LRP5: variants seen among roughly 807,000 people sequenced by gnomAD.
LRP5 encodes low-density lipoprotein receptor-related protein 5.
A neutral mutation model predicts 154.1 loss-of-function variants in LRP5; 62 were observed. The ratio of observed to expected loss-of-function variants is 0.40; its 90% CI spans 0.33 to 0.50. The LOEUF (loss-of-function observed/expected upper bound fraction) is 0.50. Among genes scored for constraint, LRP5 ranks in the 20% least tolerant of loss-of-function variants. The pLI, the probability that LRP5 is intolerant of heterozygous loss-of-function variation, is 0.55. For missense variants in LRP5, 1,915 were observed against 2,336.7 expected, an observed-to-expected ratio of 0.82 and a Z score of 3.72; for synonymous variants, 966 against 1,011.5, an observed-to-expected ratio of 0.96 and a Z score of 0.85.
chr11:68,319,518 TTTA>T (rs34373911), intron 1 of LRP5, among the ~76,000 whole-genome samples: 1 of 151,644 alleles, frequency 6.6e-6, no homozygotes, highest in African/African-American at 2.4e-5. Context: ...CCCAGCCTAT[TTTA>T]TTATTATTAT....
At chr11:68,426,934 G>T (rs1282440933) in intron 16 of LRP5, among the ~76,000 whole-genome samples, 1 of 152,120 alleles carries the variant, frequency 6.6e-6, no homozygotes, top group Non-Finnish European at 1.5e-5. Context: ...GTTATTGGTC[G>T]GGGACCACTC....
intron 12 of LRP5, among the ~76,000 whole-genome samples, chr11:68,414,654 C>G (rs1311293929): frequency 6.6e-6 from 1 of 152,198 alleles, no homozygotes; most frequent in Non-Finnish European, 1.5e-5. Flanking sequence ...GGCTCTTCCC[C>G]CATGACATCA....
In LRP5 at chr11:68,446,522, G is replaced by A; in HGVS notation, c.4575G>A (p.Ala1525=). The A allele has an allele frequency of 1.2e-6, 2 of 1,613,950 alleles. No homozygotes were observed. The highest frequency in any genetic ancestry group is 1.7e-6 in the Non-Finnish European group (2 of 1,179,858). The part of the protein sequence containing the change: ...MFYSSNIPAT[A]RPYRPYIIRG... ...ACTCTTCAAACATTCCGGCCACTGC[G>A]AGACCGTACAGGTAGGACATCCCCT... The change falls in exon 22 of 23, where the codon GCG becomes GCA. Residue 1525 remains alanine (A), a synonymous_variant. Coordinates refer to ENST00000294304, the MANE Select transcript of LRP5 (RefSeq NM_002335.4).
In LRP5 at chr11:68,439,847, C is replaced by T. The variant is rs757191543; in HGVS notation, c.4419C>T (p.Tyr1473=). The change falls in exon 21 of 23, where the codon TAC becomes TAT. Residue 1473 remains tyrosine, a synonymous_variant. Transcript: ENST00000294304. Reference sequence around the variant, plus strand: ...GGGGCCGGGGCGGGGTGCCCCTCTACGACCGGAACCACGTCACAGGGGCCT... The same window carrying T: ...GGGGCCGGGGCGGGGTGCCCCTCTATGACCGGAACCACGTCACAGGGGCCT... ...LMGGRGGVPL[Y]DRNHVTGASS... 3.5e-5 allele frequency: 57 copies of T among 1,609,170 alleles called. No individual in the cohort carries two copies. The highest frequency in any genetic ancestry group is 6.7e-5 in the East Asian group (3 of 44,748).
chr11:68,372,040 G>A (rs371641142), intron 5 of LRP5, among the ~76,000 whole-genome samples: 30 of 152,356 alleles, frequency 2.0e-4, no homozygotes, highest in Non-Finnish European at 3.4e-4. Context: ...CTGGGCTAGC[G>A]GAAACGCAGG....
chr11:68,363,909 C>T lies in LRP5; in HGVS notation c.849C>T (p.Asp283=). The T allele has an allele frequency of 6.2e-7, 1 of 1,611,646 alleles. No individual in the cohort carries two copies. The highest frequency in any genetic ancestry group is 8.5e-7 in the Non-Finnish European group (1 of 1,179,290). Residue 283 remains aspartate (D), a synonymous_variant, in exon 4 of 23, where the codon GAC becomes GAT. Coordinates refer to ENST00000294304, the MANE Select transcript of LRP5 (RefSeq NM_002335.4). ...EILSALYSPM[D]IQVLSQERQP... ...TGAGTGCCCTCTACTCACCCATGGA[C>T]ATCCAGGTGCTGAGCCAGGAGCGGC... is the stretch of plus-strand genomic sequence containing the variant.
intron 11 of LRP5, among the ~76,000 whole-genome samples, chr11:68,412,519 C>T (rs2098660174): frequency 6.6e-6 from 1 of 152,044 alleles, no homozygotes; most frequent in Admixed American, 6.6e-5. Context: ...GTGGTTCATG[C>T]CTGTAGTCCA....
chr11:68,325,081 G>T (rs1488324290), intron 1 of LRP5, among the ~76,000 whole-genome samples: 2 of 152,196 alleles, frequency 1.3e-5, no homozygotes, highest in African/African-American at 4.8e-5. Flanking sequence ...CCCAGAGCGG[G>T]ATACCACCAC....
At chr11:68,408,073 TTTGTTGTTG>T (rs370643540) in intron 9 of LRP5, among the ~76,000 whole-genome samples, 3 of 151,796 alleles carry the variant, frequency 2.0e-5, no homozygotes, top group East Asian at 1.9e-4. Flanking sequence ...TTTTCTGCTT[TTTGTTGTTG>T]TTGTTGTTGT....
rs75721054 is a variant in LRP5 at position 68,386,225 on chromosome 11, T to C, written c.1016-91T>C. On this transcript the variant is annotated intron_variant, in intron 5 of 22. Transcript: ENST00000294304. The surrounding 1 kb of genome is among the most constrained non-coding windows in gnomAD (Gnocchi z 7.9). The stretch of plus-strand genomic sequence containing the variant: ...GCAAGGAGAGCCCTGGGGGCCTGGC[T>C]GAGTATTTCCCTTGCCCGGCCCACC... The C allele has an allele frequency of 2.4e-3, 3,601 of 1,518,808 alleles. 80 individuals carry two copies. In the African/African-American group the frequency reaches 0.044, roughly 18 times the overall value. 94.1% of individuals were successfully genotyped at this position (1,518,808 alleles called of 1,614,324 possible). A position where few individuals can be genotyped will look rare whatever the true frequency, so the allele number is the denominator to read the frequency against.
intron 1 of LRP5, among the ~76,000 whole-genome samples, chr11:68,316,563 C>T (rs912782723): frequency 3.9e-5 from 6 of 152,232 alleles, no homozygotes; most frequent in African/African-American, 7.2e-5. Context: ...TGAGCCATCA[C>T]GCCCGGCCTA....
chr11:68,432,276 C>T (rs950233913), intron 17 of LRP5, among the ~76,000 whole-genome samples: 5 of 152,198 alleles, frequency 3.3e-5, no homozygotes, highest in Admixed American at 6.5e-5. Context: ...GACTTGGGCT[C>T]CATCTCAGGT....
At chr11:68,363,530 A>G (rs112375597) in intron 3 of LRP5, among the ~76,000 whole-genome samples, 1 of 151,974 alleles carries the variant, frequency 6.6e-6, no homozygotes, top group Non-Finnish European at 1.5e-5. Flanking sequence ...AGTGGTGGGC[A>G]TCAGTGATCC....
rs368689967 is a variant in LRP5 at position 68,426,379 on chromosome 11, G to A, written c.3637+192G>A. Among the ~76,000 whole-genome samples, 102 of 151,668 alleles carry A rather than the reference G, an allele frequency of 6.7e-4. 1 individual carries two copies. The highest frequency in any genetic ancestry group is 9.7e-4 in the Non-Finnish European group (66 of 67,976). ...GCCTCTGAGGTTGTTTTCTTTTGCC[G>A]CAGAACAAATCACCACGAACAGCGT... On this transcript the variant is annotated intron_variant, in intron 16 of 22. Coordinates refer to ENST00000294304, the MANE Select transcript of LRP5 (RefSeq NM_002335.4).
intron 21 of LRP5, among the ~76,000 whole-genome samples, chr11:68,441,066 C>A (rs1248350207): frequency 6.6e-6 from 1 of 151,924 alleles, no homozygotes; most frequent in Non-Finnish European, 1.5e-5. Flanking sequence ...CCGCACCTGG[C>A]CTTTTTCTTT....
chr11:68,381,600 A>G (rs2098640287), intron 5 of LRP5, among the ~76,000 whole-genome samples: 1 of 152,104 alleles, frequency 6.6e-6, no homozygotes, highest in Non-Finnish European at 1.5e-5. Context: ...CGCCTGGAGG[A>G]GGCTCGGGCG....
In LRP5 at chr11:68,425,982, CAACCGCCTG is replaced by C; in HGVS notation, c.3434_3442del (p.Asn1145_Leu1147del). 1.2e-6 allele frequency: 2 copies of C among 1,610,740 alleles called. No homozygotes were observed. The highest frequency in any genetic ancestry group is 1.7e-6 in the Non-Finnish European group (2 of 1,180,014). ...GGGCCCACGGGCTGCTTGCAGGGGC[CAACCGCCTG>C]ACCCTGGAGGACGCCAACATCGTGC... On this transcript the variant is annotated inframe_deletion, in exon 16 of 23. Transcript: ENST00000294304.
chr11:68,329,458 C>T (rs1295524253), intron 1 of LRP5, among the ~76,000 whole-genome samples: 1 of 152,180 alleles, frequency 6.6e-6, no homozygotes, highest in Admixed American at 6.5e-5. Flanking sequence ...GTTCCAGTGC[C>T]TGCCTTTTAA....
intron 7 of LRP5, among the ~76,000 whole-genome samples, chr11:68,395,576 C>T (rs921767011): frequency 2.6e-5 from 4 of 152,106 alleles, no homozygotes; most frequent in African/African-American, 9.7e-5. Context: ...TATATGCTTA[C>T]ACAGGCTGTT....
Sources: allele counts gnomAD v4.1 joint callset (sites outside exome capture counted in the v4.1 genomes callset), GRCh38; gene constraint gnomAD v4.1.1; non-coding constraint Gnocchi (gnomAD v3.1); transcripts MANE v1.5; gene names NCBI Gene and HGNC (gene_info 2026-07-23, HGNC 2026-07-21).